Variants in ZNF782 observed in about 807,000 individuals in gnomAD.
ZNF782 encodes the protein zinc finger protein 782.
In ZNF782, 12 loss-of-function variants were observed where a neutral mutation model predicts 13.0. That is an observed-to-expected ratio of 0.92 (90% CI 0.59 to 1.50). ZNF782 has a LOEUF of 1.50. Ranked by LOEUF, ZNF782 falls within the 40% of genes most tolerant of loss-of-function variation. The pLI, the probability that ZNF782 is intolerant of heterozygous loss-of-function variation, is 0.00. For missense variants in ZNF782, 770 were observed against 822.9 expected (o/e 0.94, Z 0.79); for synonymous variants, 284 against 283.0 (o/e 1.00, Z -0.04).
At chr9:96,885,907 G>C in the ZNF782 span, among the ~76,000 whole-genome samples, 1 of 151,826 alleles carries the variant, frequency 6.6e-6, no homozygotes, top group Admixed American at 6.6e-5. Context: ...GAGGGCACTG[G>C]TGCAATCATG....
At position 96,834,198 on chromosome 9, in the gene ZNF782, C is replaced by T. The variant is rs181205482; in HGVS notation, c.143-7017G>A. On this transcript the variant is annotated intron_variant, in intron 4 of 5. Transcript: ENST00000481138. ...CATGGGACGGACCAGGTGGAGAAAA[C>T]TGAATCATAGGGACGGTTTCCCCCA... Among the ~76,000 whole-genome samples, 762 of 152,334 alleles carry T rather than the reference C, an allele frequency of 5.0e-3. 8 individuals carry two copies. The highest frequency in any genetic ancestry group is 0.018 in the African/African-American group (729 of 41,578).
the ZNF782 span, among the ~76,000 whole-genome samples, chr9:96,929,208 G>A: frequency 6.6e-6 from 1 of 152,188 alleles, no homozygotes; most frequent in Non-Finnish European, 1.5e-5. Flanking sequence ...TGAGTCTGTG[G>A]TTAGGGAGGA....
the ZNF782 span, among the ~76,000 whole-genome samples, chr9:96,886,787 G>A: frequency 6.6e-6 from 1 of 152,010 alleles, no homozygotes; most frequent in Non-Finnish European, 1.5e-5. Flanking sequence ...GCTGGGCGTA[G>A]TGACATGTCC....
chr9:96,920,514 C>T, the ZNF782 span, among the ~76,000 whole-genome samples: 2 of 149,128 alleles, frequency 1.3e-5, no homozygotes, highest in African/African-American at 4.9e-5. Flanking sequence ...GATCCGCCCG[C>T]CTCGGCCTCC....
the ZNF782 span, among the ~76,000 whole-genome samples, chr9:96,886,023 T>A: frequency 4.6e-5 from 7 of 151,976 alleles, no homozygotes; most frequent in African/African-American, 1.7e-4. Flanking sequence ...AAGTTTTGTA[T>A]TTTTTGTAGG....
At chr9:96,920,533 TG>T in the ZNF782 span, among the ~76,000 whole-genome samples, 1 of 149,030 alleles carries the variant, frequency 6.7e-6, no homozygotes, top group Non-Finnish European at 1.5e-5. Context: ...CCCAAAATGC[TG>T]GGATTACAGG....
chr9:96,925,359 C>A, the ZNF782 span, among the ~76,000 whole-genome samples: 4 of 151,850 alleles, frequency 2.6e-5, no homozygotes, highest in African/African-American at 4.8e-5. Context: ...AGAGTCTGAC[C>A]GGGCGCGGTG....
chr9:96,875,682 A>AG, upstream of ZNF782: 1 of 445,990 alleles, frequency 2.2e-6, no homozygotes, highest in South Asian at 1.6e-5. Context: ...CTCTAGCGTG[A>AG]GGGGGTCGAT....
the ZNF782 span, among the ~76,000 whole-genome samples, chr9:96,915,753 T>C: frequency 7.2e-5 from 11 of 151,780 alleles, no homozygotes; most frequent in South Asian, 2.3e-3. Flanking sequence ...ATGATTCATG[T>C]GGCAGTGAGC....
At chr9:96,822,740 T>C (rs1338151276) in intron 5 of ZNF782, among the ~76,000 whole-genome samples, 2 of 152,190 alleles carry the variant, frequency 1.3e-5, no homozygotes, top group Non-Finnish European at 2.9e-5. Flanking sequence ...TAAGCACTGC[T>C]TTATCTATAT....
At chr9:96,887,322 GAAGGAAGGAAGGAAGGAAGA>G in the ZNF782 span, 4 of 138,964 alleles carry the variant, frequency 2.9e-5, no homozygotes, top group South Asian at 2.2e-4. Context: ...AGGAAGGAAG[GAAGGAAGGAAGGAAGGAAGA>G]AAGAAAGAAA....
chr9:96,920,512 C>T, the ZNF782 span, among the ~76,000 whole-genome samples: 7 of 148,834 alleles, frequency 4.7e-5, no homozygotes, highest in African/African-American at 7.3e-5. Context: ...ATGATCCGCC[C>T]GCCTCGGCCT....
chr9:96,825,343 G>A (rs1364026395), intron 5 of ZNF782, among the ~76,000 whole-genome samples: 1 of 149,392 alleles, frequency 6.7e-6, no homozygotes, highest in Admixed American at 6.7e-5. Flanking sequence ...TGGGAAAACT[G>A]GCTAGCCATA....
At chr9:96,827,615 T>C (rs1296462250) in intron 4 of ZNF782, among the ~76,000 whole-genome samples, 1 of 152,188 alleles carries the variant, frequency 6.6e-6, no homozygotes, top group Non-Finnish European at 1.5e-5. Flanking sequence ...AACATTTTCT[T>C]ATTCTCATAA....
the ZNF782 span, among the ~76,000 whole-genome samples, chr9:96,901,976 A>G: frequency 6.6e-6 from 1 of 151,590 alleles, no homozygotes; most frequent in Non-Finnish European, 1.5e-5. Context: ...TCTATGAAGG[A>G]TAAAGTAATA....
At chr9:96,871,769 C>A (rs1292708672) in intron 1 of ZNF782, among the ~76,000 whole-genome samples, 1 of 152,164 alleles carries the variant, frequency 6.6e-6, no homozygotes, top group Non-Finnish European at 1.5e-5. Context: ...TTCAGTGATG[C>A]TTTGTAAATA....
the ZNF782 span, among the ~76,000 whole-genome samples, chr9:96,907,506 C>T: frequency 4.6e-5 from 7 of 152,394 alleles, no homozygotes; most frequent in South Asian, 2.1e-4. Flanking sequence ...TGTAGTTTAC[C>T]GCAATTTAAA....
chr9:96,836,908 G>A (rs2118614363), intron 4 of ZNF782, among the ~76,000 whole-genome samples: 1 of 152,108 alleles, frequency 6.6e-6, no homozygotes, highest in South Asian at 2.1e-4. Context: ...TTTGCACATG[G>A]CCCCTCCCCT....
At chr9:96,931,657 T>C in the ZNF782 span, 2 of 1,590,774 alleles carry the variant, frequency 1.3e-6, no homozygotes. Flanking sequence ...ACTCCCCTGA[T>C]TCCCCAGTGA....
Sources: gnomAD v4.1 joint callset for allele counts (sites outside exome capture counted in the v4.1 genomes callset) on GRCh38, gnomAD v4.1.1 for gene constraint, MANE v1.5 for transcripts, NCBI Gene and HGNC (gene_info 2026-07-23, HGNC 2026-07-21) for gene names.